Variants in RBFOX1 observed in about 807,000 individuals in gnomAD.
RBFOX1 encodes RNA binding fox-1 homolog 1, also known as RNA binding protein fox-1 homolog 1.
A neutral mutation model predicts 57.7 loss-of-function variants in RBFOX1; 8 were observed. The ratio of observed to expected loss-of-function variants is 0.14; its 90% CI spans 0.08 to 0.25. RBFOX1 has a LOEUF of 0.25. RBFOX1 is among the 10% of genes least tolerant of loss of function. The pLI is 1.00. For synonymous variants in RBFOX1, 326 were observed against 222.4 expected (o/e 1.47, Z -4.15); for missense variants, 611 against 548.5 (o/e 1.11, Z -1.14).
chr16:6,331,727 A>C (rs1455841363), intron 2 of RBFOX1, among the ~76,000 whole-genome samples: 3 of 151,544 alleles, frequency 2.0e-5, no homozygotes, highest in African/African-American at 7.3e-5. Context: ...AGTATGTCCT[A>C]AGTCCTGCAG....
At chr16:5,446,050 T>A (rs931625346) in intron 1 of RBFOX1, among the ~76,000 whole-genome samples, 2 of 152,176 alleles carry the variant, frequency 1.3e-5, no homozygotes, top group Non-Finnish European at 2.9e-5. Context: ...GGAAGTAAAT[T>A]TTTACCCTGG....
At chr16:6,226,970 A>AAAAAT (rs1449297761) in intron 1 of RBFOX1, among the ~76,000 whole-genome samples, 2 of 150,308 alleles carry the variant, frequency 1.3e-5, no homozygotes, top group Admixed American at 6.6e-5. Context: ...AAAAAAATAC[A>AAAAAT]AAAATTAGCT....
intron 4 of RBFOX1, among the ~76,000 whole-genome samples, chr16:5,973,953 C>T (rs1219225172): frequency 4.6e-5 from 7 of 152,172 alleles, no homozygotes; most frequent in Non-Finnish European, 1.0e-4. Flanking sequence ...TTTTCATTTT[C>T]AGGTCACCTG....
intron 2 of RBFOX1, among the ~76,000 whole-genome samples, chr16:6,377,821 C>G (rs926796108): frequency 2.0e-5 from 3 of 152,122 alleles, no homozygotes; most frequent in Admixed American, 6.5e-5. Context: ...CCACACATAA[C>G]AGAATGAAGC....
chr16:6,908,666 T>G (rs911114201), intron 3 of RBFOX1, among the ~76,000 whole-genome samples: 1 of 152,110 alleles, frequency 6.6e-6, no homozygotes, highest in African/African-American at 2.4e-5. Flanking sequence ...GCCCTCTAAT[T>G]ATCCATGCAG....
chr16:5,429,300 C>G (rs995395746), intron 1 of RBFOX1, among the ~76,000 whole-genome samples: 1 of 152,214 alleles, frequency 6.6e-6, no homozygotes, highest in Non-Finnish European at 1.5e-5. Context: ...AGAGTCCAGG[C>G]CTTTGCGGTT....
intron 4 of RBFOX1, among the ~76,000 whole-genome samples, chr16:5,996,150 A>G (rs1397852192): frequency 6.6e-6 from 1 of 152,118 alleles, no homozygotes; most frequent in African/African-American, 2.4e-5. Context: ...ATTTCACCAT[A>G]TTAATTTTGG....
chr16:6,528,080 G>A (rs571733813), intron 2 of RBFOX1, among the ~76,000 whole-genome samples: 3 of 152,108 alleles, frequency 2.0e-5, no homozygotes, highest in Admixed American at 6.5e-5. Flanking sequence ...ACAAAATCTT[G>A]TCACCTTCAG....
intron 1 of RBFOX1, among the ~76,000 whole-genome samples, chr16:6,220,080 A>C (rs768785605): frequency 3.9e-5 from 6 of 152,016 alleles, no homozygotes; most frequent in African/African-American, 1.4e-4. Context: ...GTATTTATCT[A>C]TATTTTTCTA....
intron 3 of RBFOX1, among the ~76,000 whole-genome samples, chr16:6,744,855 C>G (rs1469212077): frequency 1.3e-5 from 2 of 151,946 alleles, no homozygotes; most frequent in Non-Finnish European, 2.9e-5. Context: ...ATCAATAAAA[C>G]AGGTAGTAGG....
intron 3 of RBFOX1, among the ~76,000 whole-genome samples, chr16:7,013,692 C>G (rs1038597943): frequency 2.6e-5 from 4 of 152,222 alleles, no homozygotes; most frequent in Non-Finnish European, 4.4e-5. Context: ...CTGTTTTTCT[C>G]TGTTGCCCAG....
At chr16:6,531,068 G>C (rs2096651132) in intron 2 of RBFOX1, among the ~76,000 whole-genome samples, 1 of 152,158 alleles carries the variant, frequency 6.6e-6, no homozygotes, top group Admixed American at 6.5e-5. Context: ...ACTGGCCCAA[G>C]CTCAGCTATT....
chr16:5,770,538 C>T (rs2053943211), intron 3 of RBFOX1, among the ~76,000 whole-genome samples: 1 of 152,166 alleles, frequency 6.6e-6, no homozygotes, highest in African/African-American at 2.4e-5. Context: ...AGCCAACAGT[C>T]CACAAGTGCT....
intron 3 of RBFOX1, among the ~76,000 whole-genome samples, chr16:5,785,358 C>T (rs1279433496): frequency 6.6e-6 from 1 of 152,132 alleles, no homozygotes; most frequent in Non-Finnish European, 1.5e-5. Flanking sequence ...TTCTGAGCTT[C>T]TGCATCCCTT....
chr16:7,158,339 CTG>C (rs1279582747), intron 4 of RBFOX1, among the ~76,000 whole-genome samples: 1 of 152,060 alleles, frequency 6.6e-6, no homozygotes, highest in African/African-American at 2.4e-5. Flanking sequence ...AGAGTGAACT[CTG>C]TCTCAAAAGA....
chr16:7,345,945 TTAGGTATATCTCC>T (rs1167469251), intron 4 of RBFOX1, among the ~76,000 whole-genome samples: 3 of 152,206 alleles, frequency 2.0e-5, no homozygotes, highest in Non-Finnish European at 2.9e-5. Context: ...GTCATTTACA[TTAGGTATATCTCC>T]TAATGCTATC....
intron 2 of RBFOX1, among the ~76,000 whole-genome samples, chr16:6,344,694 G>GCCTGGTC (rs752902512): frequency 5.7e-5 from 5 of 88,344 alleles, no homozygotes; most frequent in African/African-American, 1.4e-4. Flanking sequence ...ACCGAGCCCG[G>GCCTGGTC]TTTTTTTTTT....
At chr16:6,673,709 G>T (rs1164217569) in intron 3 of RBFOX1, among the ~76,000 whole-genome samples, 1 of 152,222 alleles carries the variant, frequency 6.6e-6, no homozygotes, top group African/African-American at 2.4e-5. Context: ...CATGTGCCTG[G>T]CAGAGAGAAG....
At chr16:6,986,748 G>C (rs1037471527) in intron 3 of RBFOX1, among the ~76,000 whole-genome samples, 1 of 152,030 alleles carries the variant, frequency 6.6e-6, no homozygotes, top group Non-Finnish European at 1.5e-5. Context: ...CAAGAAAGAA[G>C]GTGGTCTGGA....
Sources: allele counts gnomAD v4.1 joint callset (sites outside exome capture counted in the v4.1 genomes callset), GRCh38; gene constraint gnomAD v4.1.1; transcripts MANE v1.5; gene names NCBI Gene and HGNC (gene_info 2026-07-23, HGNC 2026-07-21).